The following GFRA2 variants were observed in gnomAD, a reference collection of about 807,000 sequenced individuals.
GFRA2 encodes the protein GDNF family receptor alpha 2, also known as GDNF family receptor alpha-2.
A neutral mutation model predicts 48.3 loss-of-function variants in GFRA2; 17 were observed. The ratio of observed to expected loss-of-function variants is 0.35; its 90% confidence interval spans 0.24 to 0.53. The LOEUF (loss-of-function observed/expected upper bound fraction) is 0.53. Ranked by LOEUF, GFRA2 falls within the 20% of genes least tolerant of loss-of-function variation. GFRA2 has a pLI of 0.93. For missense variants in GFRA2, 660 were observed against 637.3 expected (o/e 1.04, Z -0.38); for synonymous variants, 305 against 257.2 (o/e 1.19, Z -1.78).
chr8:21,792,396 G>T (rs767273911), upstream of GFRA2, among the ~76,000 whole-genome samples: 165 of 152,310 alleles, frequency 1.1e-3, 1 homozygote, highest in Non-Finnish European at 1.8e-3. Flanking sequence ...CACAGAACTG[G>T]CAAGGTGGAA....
chr8:21,770,932 G>C (rs1277456589), intron 3 of GFRA2, among the ~76,000 whole-genome samples: 1 of 152,102 alleles, frequency 6.6e-6, no homozygotes, highest in Non-Finnish European at 1.5e-5. Context: ...AACCAGCTGG[G>C]ATTCGGCATT....
intron 1 of GFRA2, among the ~76,000 whole-genome samples, chr8:21,810,724 T>C (rs1042954339): frequency 6.6e-6 from 1 of 151,928 alleles, no homozygotes; most frequent in Non-Finnish European, 1.5e-5. Context: ...TCAGGGACTC[T>C]ATGGAAAAAA....
At chr8:21,749,801 C>A (rs895882480) in intron 4 of GFRA2, among the ~76,000 whole-genome samples, 1 of 151,698 alleles carries the variant, frequency 6.6e-6, no homozygotes, top group African/African-American at 2.4e-5. Context: ...CACTCATTAG[C>A]TATGTAACCT....
intron 3 of GFRA2, among the ~76,000 whole-genome samples, chr8:21,771,317 A>G (rs1806427256): frequency 6.6e-6 from 1 of 152,202 alleles, no homozygotes; most frequent in African/African-American, 2.4e-5. Flanking sequence ...GGGCAGTTTG[A>G]ATTGCTAGAA....
chr8:21,801,051 A>G (rs922201013), intron 2 of GFRA2, among the ~76,000 whole-genome samples: 23 of 152,188 alleles, frequency 1.5e-4, no homozygotes, highest in Admixed American at 3.9e-4. Flanking sequence ...TGTGCCAAGA[A>G]AAACAATCAG....
rs79612093 is a variant in GFRA2 at position 21,696,690 on chromosome 8, C to T, written c.1219-2173G>A. On this transcript the variant is annotated intron_variant, in intron 7 of 8. Transcript: ENST00000524240. ...CCGACGCTCCAGAGAGCAAAGGGGG[C>T]CTGCAACTGGACTTTGCTCCTCGGA... Among the ~76,000 whole-genome samples, 643 of 152,242 alleles carry T rather than the reference C, an allele frequency of 4.2e-3. 7 individuals carry two copies. The highest frequency in any genetic ancestry group is 0.015 in the African/African-American group (615 of 41,534).
intron 1 of GFRA2, among the ~76,000 whole-genome samples, chr8:21,783,971 C>T (rs1460664054): frequency 6.6e-6 from 1 of 152,068 alleles, no homozygotes; most frequent in Admixed American, 6.5e-5. Context: ...CCCTCTATCT[C>T]TTATTTTGTT....
At chr8:21,708,247 C>T (rs922308099) in intron 4 of GFRA2, among the ~76,000 whole-genome samples, 1 of 152,240 alleles carries the variant, frequency 6.6e-6, no homozygotes, top group African/African-American at 2.4e-5. Flanking sequence ...AATGCACCCT[C>T]TGCTTCCTCA....
intron 1 of GFRA2, among the ~76,000 whole-genome samples, chr8:21,783,606 A>G (rs1291762036): frequency 3.3e-5 from 5 of 151,864 alleles, no homozygotes; most frequent in Non-Finnish European, 7.4e-5. Context: ...AGGCGAGCCC[A>G]GGAAGGAGGA....
intron 1 of GFRA2, 61 bp downstream of exon 1, chr8:21,788,059 T>A: frequency 4.9e-6 from 1 of 203,814 alleles, no homozygotes; most frequent in Non-Finnish European, 9.1e-6. Flanking sequence ...GGCGCTCCGC[T>A]CGCCCCCCGC....
chr8:21,716,295 C>A (rs1299154220), intron 4 of GFRA2, among the ~76,000 whole-genome samples: 1 of 127,076 alleles, frequency 7.9e-6, no homozygotes, highest in Non-Finnish European at 1.7e-5. Flanking sequence ...TGCGCTCCAG[C>A]CTGGGAAACA....
At chr8:21,695,860 AC>A (rs1802138926) in intron 7 of GFRA2, among the ~76,000 whole-genome samples, 1 of 151,960 alleles carries the variant, frequency 6.6e-6, no homozygotes, top group Non-Finnish European at 1.5e-5. Flanking sequence ...CTCAGTCCCT[AC>A]TTGTGACATC....
upstream of GFRA2, among the ~76,000 whole-genome samples, chr8:21,793,222 G>A (rs955282784): frequency 1.3e-5 from 2 of 152,196 alleles, no homozygotes; most frequent in Non-Finnish European, 2.9e-5. Flanking sequence ...AGGAGCCGCT[G>A]AAGGTTTTTG....
chr8:21,792,379 C>T (rs1204386858), upstream of GFRA2, among the ~76,000 whole-genome samples: 1 of 152,178 alleles, frequency 6.6e-6, no homozygotes, highest in Non-Finnish European at 1.5e-5. Context: ...CTAATACTGT[C>T]AGGAGCCACA....
At chr8:21,774,054 A>T (rs1806566671) in intron 3 of GFRA2, among the ~76,000 whole-genome samples, 1 of 152,192 alleles carries the variant, frequency 6.6e-6, no homozygotes, top group Admixed American at 6.5e-5. Flanking sequence ...AACTGCATGT[A>T]AACGAGATTT....
chr8:21,802,652 G>C (rs1186169272), intron 2 of GFRA2, among the ~76,000 whole-genome samples: 1 of 152,146 alleles, frequency 6.6e-6, no homozygotes, highest in Non-Finnish European at 1.5e-5. Context: ...CCCACGCCTG[G>C]CCTTCTGTCT....
At chr8:21,748,134 A>G (rs534717642) in intron 4 of GFRA2, among the ~76,000 whole-genome samples, 1 of 152,268 alleles carries the variant, frequency 6.6e-6, no homozygotes, top group Admixed American at 6.5e-5. Context: ...TTTAATCACC[A>G]GCAAAGTACT....
At chr8:21,706,298 G>A in intron 4 of GFRA2, 1 of 609,380 alleles carries the variant, frequency 1.6e-6, no homozygotes, top group Non-Finnish European at 3.1e-6. Flanking sequence ...CTGACAAAAA[G>A]GACCCCTCAA....
At chr8:21,722,681 A>AC (rs1347679209) in intron 4 of GFRA2, among the ~76,000 whole-genome samples, 1 of 152,118 alleles carries the variant, frequency 6.6e-6, no homozygotes, top group Non-Finnish European at 1.5e-5. Context: ...GTGGCCACAC[A>AC]CCCTCAGTGA....
Sources: allele counts gnomAD v4.1 joint callset (sites outside exome capture counted in the v4.1 genomes callset), GRCh38; gene constraint gnomAD v4.1.1; transcripts MANE v1.5; gene names NCBI Gene and HGNC (gene_info 2026-07-23, HGNC 2026-07-21).